SEC23IP: variants seen among roughly 807,000 people sequenced by gnomAD.
The protein encoded by SEC23IP is SEC23 interacting protein.
In SEC23IP, 70 loss-of-function variants were observed where a neutral mutation model predicts 113.4. The ratio of observed to expected loss-of-function variants is 0.62; its 90% CI spans 0.51 to 0.75. The LOEUF (loss-of-function observed/expected upper bound fraction) is 0.75, where lower values mean the gene tolerates loss of function less well. Among genes scored for constraint, SEC23IP ranks in the 30% least tolerant of loss-of-function variants. The pLI is 0.00. For synonymous variants in SEC23IP, 398 were observed against 421.0 expected, an observed-to-expected ratio of 0.95 and a Z score of 0.67; for missense variants, 1,160 against 1,204.9, an observed-to-expected ratio of 0.96 and a Z score of 0.55.
chr10:119,894,919 T>A (rs903216013), intron 1 of SEC23IP, among the ~76,000 whole-genome samples: 17 of 151,858 alleles, frequency 1.1e-4, no homozygotes, highest in African/African-American at 3.9e-4. Context: ...TGTGTGTGTG[T>A]GTGTGTGTGT....
chr10:119,933,824 G>GT, intron 18 of SEC23IP, 37 bp downstream of exon 18: 3 of 1,049,460 alleles, frequency 2.9e-6, no homozygotes, highest in Non-Finnish European at 4.4e-6. Flanking sequence ...AATTCTGAAT[G>GT]TTTGCATTCT....
chr10:119,911,283 T>G (rs1854852382), intron 5 of SEC23IP, among the ~76,000 whole-genome samples: 1 of 151,616 alleles, frequency 6.6e-6, no homozygotes, highest in Non-Finnish European at 1.5e-5. Flanking sequence ...TGTTTTTATT[T>G]TATTATTATT....
chr10:119,899,598 T>TA (rs1489845922), intron 2 of SEC23IP, among the ~76,000 whole-genome samples: 2 of 152,220 alleles, frequency 1.3e-5, no homozygotes, highest in East Asian at 3.8e-4. Context: ...GATCAGAATG[T>TA]AACTAACTTC....
chr10:119,898,240 C>T, intron 1 of SEC23IP, 187 bp from the exon 2 acceptor site: 1 of 1,058,472 alleles, frequency 9.4e-7, no homozygotes, highest in Non-Finnish European at 1.3e-6. Context: ...TTCATGTTTT[C>T]TAGTTTTTCA....
chr10:119,913,889 C>T (rs1222099234), intron 6 of SEC23IP, among the ~76,000 whole-genome samples: 9 of 152,062 alleles, frequency 5.9e-5, no homozygotes, highest in South Asian at 2.1e-4. Flanking sequence ...TGGTGGCTCA[C>T]GCCTGTAATC....
At chr10:119,938,470 T>G (rs1589855021) in intron 18 of SEC23IP, among the ~76,000 whole-genome samples, 1 of 152,302 alleles carries the variant, frequency 6.6e-6, no homozygotes, top group Non-Finnish European at 1.5e-5. Context: ...GTCCCCCACT[T>G]TTTGTGAGGG....
chr10:119,940,408 C>G (rs1486547134), intron 18 of SEC23IP, among the ~76,000 whole-genome samples, 178 bp from the exon 19 acceptor site: 2 of 151,408 alleles, frequency 1.3e-5, no homozygotes, highest in African/African-American at 4.9e-5. Context: ...AGGATGGTCT[C>G]GATTTCCTGA....
chr10:119,905,711 T>C (rs1854640472), intron 4 of SEC23IP, among the ~76,000 whole-genome samples: 1 of 152,188 alleles, frequency 6.6e-6, no homozygotes, highest in East Asian at 1.9e-4. Flanking sequence ...GACATGATTA[T>C]TGTCTACGTG....
At chr10:119,936,124 G>T (rs7907207) in intron 18 of SEC23IP, among the ~76,000 whole-genome samples, 53,964 of 151,914 alleles carry the variant, frequency 0.36, 10,372 homozygotes, top group East Asian at 0.55. Flanking sequence ...TTACCCCATT[G>T]TTGGGTGTTA....
chr10:119,920,419 A>C (rs1855213700), intron 11 of SEC23IP, among the ~76,000 whole-genome samples: 1 of 152,240 alleles, frequency 6.6e-6, no homozygotes, highest in Non-Finnish European at 1.5e-5. Context: ...TGTTGAATGA[A>C]TGATGCAGTG....
At chr10:119,926,988 G>A (rs1409379622) in intron 13 of SEC23IP, among the ~76,000 whole-genome samples, 1 of 152,108 alleles carries the variant, frequency 6.6e-6, no homozygotes. Flanking sequence ...AGGGTTTAGG[G>A]TTTGGGTTTA....
chr10:119,913,277 A>C (rs1854928352), intron 6 of SEC23IP, among the ~76,000 whole-genome samples: 2 of 152,174 alleles, frequency 1.3e-5, no homozygotes, highest in South Asian at 4.1e-4. Flanking sequence ...GCTGGTTGGA[A>C]CTAAGGTTTG....
chr10:119,919,265 A>G (rs1342347647), intron 10 of SEC23IP, among the ~76,000 whole-genome samples, 179 bp from the exon 11 acceptor site: 4 of 152,190 alleles, frequency 2.6e-5, no homozygotes, highest in Admixed American at 6.5e-5. Flanking sequence ...AAGTGCTGGG[A>G]TTACAGGCGT....
In SEC23IP at chr10:119,902,842, C is replaced by T. The variant is rs1412120045; in HGVS notation, c.740C>T (p.Ala247Val). The change falls in exon 3 of 19, where the codon GCC becomes GTC. Residue 247 changes from alanine (A) to valine (V), a missense_variant. Transcript: ENST00000369075. Reference protein sequence around the residue: ...VQSPAQQQVPARPGAPSVQVP... With the variant: ...VQSPAQQQVPVRPGAPSVQVP... ...TCACCGGCACAGCAGCAGGTACCTG[C>T]CAGACCTGGGGCTCCCTCTGTTCAA... The T allele has an allele frequency of 1.2e-6, 2 of 1,614,080 alleles. No homozygotes were observed. The highest frequency in any genetic ancestry group is 2.7e-5 in the African/African-American group (2 of 74,928).
intron 12 of SEC23IP, among the ~76,000 whole-genome samples, chr10:119,924,343 C>T (rs926549680): frequency 6.6e-6 from 1 of 152,110 alleles, no homozygotes; most frequent in Non-Finnish European, 1.5e-5. Flanking sequence ...GTTTAAATTT[C>T]TCTGATGTTA....
chr10:119,905,045 G>T (rs1374780588), intron 4 of SEC23IP, among the ~76,000 whole-genome samples: 4 of 151,972 alleles, frequency 2.6e-5, no homozygotes, highest in Non-Finnish European at 5.9e-5. Flanking sequence ...GAAGAGGAAG[G>T]ATCACCTGTG....
chr10:119,893,109 G>A (rs1339907040), intron 1 of SEC23IP, among the ~76,000 whole-genome samples, 164 bp downstream of exon 1: 2 of 152,168 alleles, frequency 1.3e-5, no homozygotes, highest in East Asian at 3.8e-4. Flanking sequence ...TTGGGATCTT[G>A]GAGGTGGCAG....
chr10:119,918,056 A>C lies in SEC23IP; in HGVS notation c.1753+12A>C, dbSNP rs1855111197. ...TGGTCACAGTTTAGGTAAAACTGTC[A>C]AATATTCACATTTTAAATACAATTT... On this transcript the variant is annotated intron_variant, in intron 9 of 18. Coordinates refer to ENST00000369075, the MANE Select transcript of SEC23IP (RefSeq NM_007190.4). The C allele has an allele frequency of 6.2e-7, 1 of 1,600,594 alleles. No homozygotes were observed. Among genetic ancestry groups the C allele is most frequent in the Admixed American group, 1.7e-5 (1 of 59,256 alleles).
chr10:119,916,775 A>G (rs1342436433), intron 8 of SEC23IP, among the ~76,000 whole-genome samples: 1 of 152,218 alleles, frequency 6.6e-6, no homozygotes, highest in African/African-American at 2.4e-5. Flanking sequence ...TTAAAAATAA[A>G]ATAGAAATCT....
Sources: gnomAD v4.1 joint callset for allele counts (sites outside exome capture counted in the v4.1 genomes callset) on GRCh38, gnomAD v4.1.1 for gene constraint, MANE v1.5 for transcripts, NCBI Gene and HGNC (gene_info 2026-07-23, HGNC 2026-07-21) for gene names.